Variants in KLK8 observed in about 807,000 individuals in gnomAD.
KLK8 encodes kallikrein related peptidase 8, also known as kallikrein-8.
A neutral mutation model predicts 26.7 loss-of-function variants in KLK8; 18 were observed. The ratio of observed to expected loss-of-function variants is 0.67; its 90% confidence interval spans 0.47 to 1.00. The LOEUF (loss-of-function observed/expected upper bound fraction) is 1.00, where lower values mean the gene tolerates loss of function less well. Among genes scored for constraint, KLK8 ranks in the 50% least tolerant of loss-of-function variants. KLK8 has a pLI of 0.00. For missense variants in KLK8, 301 were observed against 331.7 expected, an observed-to-expected ratio of 0.91 and a Z score of 0.72; for synonymous variants, 137 against 127.1, an observed-to-expected ratio of 1.08 and a Z score of -0.52.
intron 6 of KLK8, among the ~76,000 whole-genome samples, chr19:50,997,035 T>C (rs1030127145): frequency 5.9e-5 from 9 of 151,796 alleles, no homozygotes; most frequent in Non-Finnish European, 1.3e-4. Flanking sequence ...GTATCGCTGA[T>C]GGAAACGACT....
chr19:50,997,359 C>T (rs192980193), intron 6 of KLK8, among the ~76,000 whole-genome samples: 36 of 152,226 alleles, frequency 2.4e-4, no homozygotes, highest in Non-Finnish European at 4.4e-4. Context: ...TGGCTGACCA[C>T]CGGGCCGGTG....
chr19:51,001,297 A>G (rs949403555), intron 2 of KLK8, 122 bp from the exon 2 acceptor site: 18 of 772,278 alleles, frequency 2.3e-5, no homozygotes, highest in Admixed American at 2.2e-4. Context: ...TCTCTGGAGG[A>G]AGGAGGAGGC....
chr19:51,000,895 A>G (rs926782239), intron 3 of KLK8, among the ~76,000 whole-genome samples: 5 of 152,084 alleles, frequency 3.3e-5, no homozygotes, highest in Non-Finnish European at 5.9e-5. Flanking sequence ...TTACAGCATC[A>G]CGGAACCTAC....
At chr19:50,996,540 C>G (rs565611530) in intron 6 of KLK8, among the ~76,000 whole-genome samples, 80 of 152,186 alleles carry the variant, frequency 5.3e-4, no homozygotes, top group Non-Finnish European at 1.0e-4. Context: ...CCAGACCAGC[C>G]TGGCCAACAT....
rs777312185 is a variant in KLK8 at position 51,001,090 on chromosome 19, C to A, written c.70+8G>T. 6.2e-7 allele frequency: 1 copy of A among 1,610,104 alleles called. No individual in the cohort carries two copies. The highest frequency in any genetic ancestry group is 8.5e-7 in the Non-Finnish European group (1 of 1,178,702). On this transcript the variant is annotated splice_region_variant and intron_variant, in intron 3 of 6. Coordinates refer to ENST00000600767, the Ensembl canonical transcript of KLK8. ...CTCCCCTCCGGAGGCCTCCGCAACC[C>A]TCCTCACCTGCCCAGGCTCCCCCCA...
intron 4 of KLK8, 50 bp downstream of exon 3, chr19:51,000,374 C>A (rs759489771): frequency 6.4e-7 from 1 of 1,558,532 alleles, no homozygotes; most frequent in South Asian, 1.2e-5. Context: ...AAACCCCAGC[C>A]CCCTCTTTCC....
intron 6 of KLK8, 21 bp from the exon 6 acceptor site, chr19:50,996,235 C>G (rs1438448167): frequency 6.2e-7 from 1 of 1,611,824 alleles, no homozygotes. Context: ...AGAATGAGAA[C>G]AGCCTTGCAT....
chr19:50,999,070 C>T (rs1600123300), intron 5 of KLK8: 3 of 152,222 alleles, frequency 2.0e-5, no homozygotes, highest in East Asian at 1.9e-4. Flanking sequence ...GGAGAAGCTC[C>T]TTGACTCTCT....
chr19:51,001,505 CTG>C (rs35790482), intron 2 of KLK8, 25 bp downstream of exon 1: 115,305 of 300,640 alleles, frequency 0.38, 23,168 homozygotes, highest in African/African-American at 0.46. Flanking sequence ...GGCCTGATGT[CTG>C]TATCTGAGTA....
intron 2 of KLK8, 33 bp from the exon 2 acceptor site, chr19:51,001,208 G>C (rs1191817514): frequency 1.9e-6 from 3 of 1,581,772 alleles, no homozygotes; most frequent in Non-Finnish European, 2.6e-6. Flanking sequence ...CCGGTAAACA[G>C]GAAGGAGGAG....
chr19:50,996,731 C>CA (rs113362363), intron 6 of KLK8, among the ~76,000 whole-genome samples: 3,337 of 96,874 alleles, frequency 0.034, 121 homozygotes, highest in African/African-American at 0.065. Flanking sequence ...GACCCTGTCT[C>CA]AAAAAAAAAA....
chr19:51,000,564 C>T (rs1470777126), exon 4 of KLK8: 2 of 1,614,070 alleles, frequency 1.2e-6, no homozygotes, highest in Non-Finnish European at 1.7e-6. Context: ...GCACCTTGTC[C>T]TCCTGTGCCC....
exon 5 of KLK8, chr19:51,000,144 C>T (rs776844560): frequency 7.4e-6 from 12 of 1,613,918 alleles, no homozygotes; most frequent in Non-Finnish European, 9.3e-6. Flanking sequence ...GGTTGTGGTC[C>T]TCCACATCGC....
intron 3 of KLK8, chr19:51,000,846 A>G: frequency 1.0e-6 from 1 of 985,908 alleles, no homozygotes; most frequent in Non-Finnish European, 1.5e-6. Context: ...CTATGCCCCC[A>G]AGCAAGCAGC....
chr19:50,996,731 C>CAA (rs113362363), intron 6 of KLK8, among the ~76,000 whole-genome samples: 1,828 of 96,924 alleles, frequency 0.019, 109 homozygotes, highest in African/African-American at 0.068. Flanking sequence ...GACCCTGTCT[C>CAA]AAAAAAAAAA....
In KLK8 at chr19:51,000,588, A is replaced by G; in HGVS notation, c.71-5T>C. ...CCTCCTGTGCCCTGGAGTGTCCTGC[A>G]GCAGGAGGGAGAGGGTTGGATCGCC... On this transcript the variant is annotated splice_region_variant and splice_polypyrimidine_tract_variant and intron_variant, in intron 3 of 6. Transcript: ENST00000600767. The G allele has an allele frequency of 6.2e-7, 1 of 1,613,804 alleles. No homozygotes were observed. Among genetic ancestry groups the G allele is most frequent in the Non-Finnish European group, 8.5e-7 (1 of 1,179,788 alleles).
chr19:50,996,072 C>CTT lies in KLK8; in HGVS notation c.769_770insAA (p.Gly257GlufsTer?). The CTT allele has an allele frequency of 6.2e-7, 1 of 1,614,186 alleles. No individual in the cohort carries two copies. Among genetic ancestry groups the CTT allele is most frequent in the Non-Finnish European group, 8.5e-7 (1 of 1,180,018 alleles). On this transcript the variant is annotated frameshift_variant, in exon 7 of 7. Transcript: ENST00000600767. LOFTEE classifies it high-confidence loss of function. The stretch of plus-strand genomic sequence containing the variant: ...CTTATCCTAGAATCAGCCCTTGCTG[C>CTT]CTATGATCTTCTTGATCCAGTCCAG...
intron 5 of KLK8, 187 bp from the exon 5 acceptor site, chr19:50,998,071 A>G (rs940198731): frequency 1.4e-5 from 9 of 649,688 alleles, no homozygotes; most frequent in Admixed American, 3.0e-5. Context: ...ACTTGTTGCT[A>G]TTGGGCTTTC....
Position 50,996,069 on chromosome 19 carries a change from CTG to C in KLK8, c.771_772del (p.Ser258GlnfsTer7). On this transcript the variant is annotated frameshift_variant, in exon 7 of 7. Coordinates refer to ENST00000600767, the Ensembl canonical transcript of KLK8. LOFTEE classifies it high-confidence loss of function. Reference sequence around the variant, plus strand: ...GTGCTTATCCTAGAATCAGCCCTTGCTGCCTATGATCTTCTTGATCCAGTCCA... The same window carrying C: ...GTGCTTATCCTAGAATCAGCCCTTGCCCTATGATCTTCTTGATCCAGTCCA... 6.2e-7 allele frequency: 1 copy of C among 1,614,186 alleles called. No homozygotes were observed. The highest frequency in any genetic ancestry group is 8.5e-7 in the Non-Finnish European group (1 of 1,180,002).
Sources: allele counts gnomAD v4.1 joint callset (sites outside exome capture counted in the v4.1 genomes callset), GRCh38; gene constraint gnomAD v4.1.1; transcripts MANE v1.5; gene names NCBI Gene and HGNC (gene_info 2026-07-23, HGNC 2026-07-21).